PRICKLE2: variants seen among roughly 807,000 people sequenced by gnomAD.
PRICKLE2 encodes prickle planar cell polarity protein 2.
Under a neutral mutation model 81.4 loss-of-function variants are expected in PRICKLE2, and 21 were observed. The observed-to-expected ratio is 0.26, with a 90% CI of 0.18 to 0.37. The LOEUF (loss-of-function observed/expected upper bound fraction) is 0.37, where lower values mean the gene tolerates loss of function less well. Ranked by LOEUF, PRICKLE2 falls within the 10% of genes least tolerant of loss-of-function variation. The probability of loss-of-function intolerance (pLI) is 1.00; values close to 1 mark genes in which losing one functional copy is unlikely to be tolerated. For missense variants in PRICKLE2, 940 were observed against 1,109.0 expected, an observed-to-expected ratio of 0.85 and a Z score of 2.16; for synonymous variants, 456 against 421.5, an observed-to-expected ratio of 1.08 and a Z score of -1.00.
Position 64,163,069 on chromosome 3 carries a change from C to T in PRICKLE2, c.205G>A (p.Glu69Lys). The T allele has an allele frequency of 6.2e-7, 1 of 1,614,128 alleles. No individual in the cohort carries two copies. The change falls in exon 3 of 8, where the codon GAG (glutamate) becomes AAG (lysine). Residue 69 changes from glutamate to lysine, a missense_variant. Around this residue, in one of 2 missense-constraint regions of PRICKLE2, gnomAD observed 270 missense variants for 391.8 expected, o/e 0.69. Coordinates refer to ENST00000638394, the MANE Select transcript of PRICKLE2 (RefSeq NM_198859.4). ...AGTAGCTGCTTGATTCGCAGTTTCT[C>T]TCCAGGACTGTTGACATAAGGGACT... Reference protein sequence around the residue: ...EKVPYVNSPGEKLRIKQLLHQ... With the variant: ...EKVPYVNSPGKKLRIKQLLHQ...
At chr3:64,193,590 A>G (rs2078389155) in intron 2 of PRICKLE2, among the ~76,000 whole-genome samples, 1 of 152,224 alleles carries the variant, frequency 6.6e-6, no homozygotes, top group Non-Finnish European at 1.5e-5. Context: ...AAGCAGAAAT[A>G]TACTCCTACA....
intron 2 of PRICKLE2, among the ~76,000 whole-genome samples, chr3:64,239,324 G>A (rs2079228027): frequency 6.6e-6 from 1 of 152,144 alleles, no homozygotes; most frequent in Admixed American, 6.5e-5. Flanking sequence ...TTAGGAGCGT[G>A]GCCAAAACAG....
intron 1 of PRICKLE2, among the ~76,000 whole-genome samples, chr3:64,202,508 T>A (rs2078602599): frequency 6.6e-6 from 1 of 152,198 alleles, no homozygotes; most frequent in Non-Finnish European, 1.5e-5. Flanking sequence ...TTTTTGATGC[T>A]ACTGTAATTA....
At position 64,147,249 on chromosome 3, in the gene PRICKLE2, C is replaced by T. The variant is rs2077471786; in HGVS notation, c.1241G>A (p.Ser414Asn). The change falls in exon 7 of 8, where the codon AGC becomes AAC. Residue 414 changes from serine (S) to asparagine (N), a missense_variant. Coordinates refer to ENST00000638394, the MANE Select transcript of PRICKLE2 (RefSeq NM_198859.4). This position sits in a 1 kb window ranked among gnomAD's most constrained non-coding sequence, Gnocchi z 5.0. ...GCACTGGCTGAGGAGCTGCAGAGGG[C>T]TCTGGGTCTGGTTCTGCTCCATCTT... The part of the protein sequence containing the change: ...GNKMEQNQTQ[S>N]PLQLLSQCNI... 1 of 1,609,324 alleles carries T rather than the reference C, an allele frequency of 6.2e-7. No individual in the cohort carries two copies. Among genetic ancestry groups the T allele is most frequent in the Non-Finnish European group, 8.5e-7 (1 of 1,176,814 alleles).
chr3:64,141,635 AG>A (rs1222964167), intron 7 of PRICKLE2, among the ~76,000 whole-genome samples: 1 of 152,210 alleles, frequency 6.6e-6, no homozygotes, highest in Admixed American at 6.5e-5. Context: ...TGTAAGCATA[AG>A]GGATGAATTG....
Position 64,098,486 on chromosome 3 carries a change from A to T in PRICKLE2, c.*565T>A, listed in dbSNP as rs567461692. The T allele has an allele frequency of 2.9e-4, 44 of 152,016 alleles. No homozygotes were observed. The highest frequency in any genetic ancestry group is 9.7e-4 in the African/African-American group (40 of 41,444). 9.4% of individuals were successfully genotyped at this position (152,016 alleles called of 1,614,324 possible). On this transcript the variant is annotated 3_prime_UTR_variant, in exon 8 of 8. Transcript: ENST00000638394. ...AATTTGTATAGAAAAAAAAAAAAAA[A>T]AAAAAAAGGTGGTACCGGGCCACAT...
upstream of PRICKLE2, among the ~76,000 whole-genome samples, chr3:64,226,059 C>T (rs1295422884): frequency 6.6e-6 from 1 of 152,106 alleles, no homozygotes; most frequent in Non-Finnish European, 1.5e-5. Context: ...ACCCCTTACC[C>T]CAATTCCAAC....
chr3:64,158,263 A>G (rs1339237984), intron 4 of PRICKLE2, among the ~76,000 whole-genome samples: 1 of 152,206 alleles, frequency 6.6e-6, no homozygotes, highest in Non-Finnish European at 1.5e-5. Context: ...CTACCACCAA[A>G]TCTTTCCCAT....
intron 1 of PRICKLE2, among the ~76,000 whole-genome samples, chr3:64,220,214 A>C (rs533451344): frequency 1.3e-5 from 2 of 152,360 alleles, no homozygotes; most frequent in East Asian, 3.9e-4. Flanking sequence ...ATGGATGCCA[A>C]GAAAAGAGCT....
intron 1 of PRICKLE2, among the ~76,000 whole-genome samples, chr3:64,221,941 A>G (rs757229699): frequency 4.6e-5 from 7 of 152,198 alleles, no homozygotes; most frequent in African/African-American, 1.7e-4. Context: ...GTCATCTGCT[A>G]TGTCATTTTA....
chr3:64,150,752 T>G (rs1078398), intron 6 of PRICKLE2, among the ~76,000 whole-genome samples: 50,845 of 151,966 alleles, frequency 0.33, 8,577 homozygotes, highest in East Asian at 0.41. Flanking sequence ...CAAGCACACA[T>G]GCTCAGATGC....
chr3:64,266,617 A>T (rs1483188613), intron 2 of PRICKLE2, among the ~76,000 whole-genome samples: 1 of 152,198 alleles, frequency 6.6e-6, no homozygotes, highest in Admixed American at 6.5e-5. Context: ...ACAGGCTGGG[A>T]AGATTTGGCA....
At chr3:64,192,092 T>C (rs1033497090) in intron 2 of PRICKLE2, among the ~76,000 whole-genome samples, 1 of 152,232 alleles carries the variant, frequency 6.6e-6, no homozygotes, top group Non-Finnish European at 1.5e-5. Flanking sequence ...AATACAAATC[T>C]TTAGGAGCAG....
intron 1 of PRICKLE2, among the ~76,000 whole-genome samples, chr3:64,223,271 T>C (rs2078983729): frequency 6.6e-6 from 1 of 152,212 alleles, no homozygotes; most frequent in Non-Finnish European, 1.5e-5. Flanking sequence ...CACTGTGCTC[T>C]GCATAGGTCA....
intron 3 of PRICKLE2, among the ~76,000 whole-genome samples, chr3:64,162,601 TG>T (rs1375549934): frequency 6.6e-6 from 1 of 152,216 alleles, no homozygotes; most frequent in Non-Finnish European, 1.5e-5. Flanking sequence ...TCATTTAATA[TG>T]AAATGATGCC....
In PRICKLE2 at chr3:64,099,262, C is replaced by T. The variant is rs759974496; in HGVS notation, c.2324G>A (p.Cys775Tyr). Reference sequence around the variant, plus strand: ...CTCTGAAGAGGAGGAGCAGGTGGAACACCAATCATACTCGGCGAAGTAGGG... The same window carrying T: ...CTCTGAAGAGGAGGAGCAGGTGGAATACCAATCATACTCGGCGAAGTAGGG... ...WGPYFAEYDWCSTCSSSSESD... is the reference protein window; with the variant it reads ...WGPYFAEYDWYSTCSSSSESD... Residue 775 changes from cysteine (C) to tyrosine (Y), a missense_variant, in exon 8 of 8, where the codon TGT becomes TAT. Coordinates refer to ENST00000638394, the MANE Select transcript of PRICKLE2 (RefSeq NM_198859.4). The surrounding 1 kb of genome is among the most constrained non-coding windows in gnomAD (Gnocchi z 4.3). The T allele has an allele frequency of 6.8e-6, 11 of 1,614,066 alleles. No homozygotes were observed. The highest frequency in any genetic ancestry group is 1.3e-5 in the African/African-American group (1 of 74,926).
intron 2 of PRICKLE2, among the ~76,000 whole-genome samples, chr3:64,190,720 G>A (rs2078317590): frequency 6.6e-6 from 1 of 152,196 alleles, no homozygotes; most frequent in African/African-American, 2.4e-5. Flanking sequence ...ATTACAGACA[G>A]GTACTAACAA....
intron 7 of PRICKLE2, among the ~76,000 whole-genome samples, chr3:64,110,996 G>GTGC (rs2076837512): frequency 7.1e-6 from 1 of 140,762 alleles, no homozygotes; most frequent in African/African-American, 2.6e-5. Context: ...TGTCTTTCAT[G>GTGC]TGCTGCTGGC....
chr3:64,183,761 A>G (rs893883563), intron 2 of PRICKLE2, among the ~76,000 whole-genome samples: 1 of 152,232 alleles, frequency 6.6e-6, no homozygotes, highest in African/African-American at 2.4e-5. Context: ...AATGGGAAAT[A>G]GAAGCTAGAA....
Sources: gnomAD v4.1 joint callset for allele counts (sites outside exome capture counted in the v4.1 genomes callset) on GRCh38, gnomAD v4.1.1 for gene constraint, gnomAD v4.1.1 regional missense constraint, Gnocchi (gnomAD v3.1) non-coding constraint, MANE v1.5 for transcripts, NCBI Gene and HGNC (gene_info 2026-07-23, HGNC 2026-07-21) for gene names.